The following DNAI7 variants were observed in gnomAD, a reference collection of about 807,000 sequenced individuals.
DNAI7 encodes the protein dynein axonemal intermediate chain 7.
In DNAI7, 78 loss-of-function variants were observed where a neutral mutation model predicts 86.6. That is an observed-to-expected ratio of 0.90 (90% confidence interval 0.75 to 1.09). The LOEUF is 1.09. Among genes scored for constraint, DNAI7 ranks in the 50% least tolerant of loss-of-function variants. The pLI, the probability that DNAI7 is intolerant of heterozygous loss-of-function variation, is 0.00. For missense variants in DNAI7, 753 were observed against 810.2 expected (o/e 0.93, Z 0.86); for synonymous variants, 274 against 273.0 (o/e 1.00, Z -0.04).
intron 1 of DNAI7, among the ~76,000 whole-genome samples, chr12:25,194,013 G>T (rs1322597114): frequency 1.3e-5 from 2 of 151,978 alleles, no homozygotes; most frequent in Non-Finnish European, 2.9e-5. Flanking sequence ...GTAGAGACTG[G>T]GTTTCACCAT....
Position 25,194,939 on chromosome 12 carries a change from C to T in DNAI7, c.3+137G>A, listed in dbSNP as rs200754269. On this transcript the variant is annotated intron_variant, in intron 1 of 15. Coordinates refer to ENST00000395987, the MANE Select transcript of DNAI7 (RefSeq NM_018272.5). ...CATTGCTGAGAAGAGGGCCGACCCA[C>T]CCCAAGGTATGAGTTATTTCCCAAA... 2.7e-5 allele frequency: 44 copies of T among 1,614,214 alleles called. No individual in the cohort carries two copies. The Admixed American group carries it at 7.0e-4, about 26-fold the overall frequency.
intron 9 of DNAI7, among the ~76,000 whole-genome samples, chr12:25,138,632 G>T (rs1354717818): frequency 6.6e-6 from 1 of 152,062 alleles, no homozygotes; most frequent in East Asian, 1.9e-4. Flanking sequence ...AATCAAGATG[G>T]AAATTTAAAA....
Position 25,121,911 on chromosome 12 carries a change from G to C in DNAI7, c.1081C>G (p.Gln361Glu), listed in dbSNP as rs188441287. ...GAAGAATTCTCTACCAGCAACAACTGTGCTAAAATTAATCAGATTAACAGT... is the reference window on the plus strand; with the variant it reads ...GAAGAATTCTCTACCAGCAACAACTCTGCTAAAATTAATCAGATTAACAGT... ...KVLSETVSAAQLLLVENSSEK... is the reference protein window; with the variant it reads ...KVLSETVSAAELLLVENSSEK... The change falls in exon 11 of 16, where the codon CAG becomes GAG. Residue 361 changes from glutamine to glutamate, a missense_variant and splice_region_variant. By Grantham distance (29) the Gln-to-Glu change is conservative. Transcript: ENST00000395987. 1 of 1,571,846 alleles carries C rather than the reference G, an allele frequency of 6.4e-7. No individual in the cohort carries two copies. The highest frequency in any genetic ancestry group is 1.4e-5 in the African/African-American group (1 of 72,250).
At chr12:25,133,221 G>T (rs1243041354) in intron 9 of DNAI7, among the ~76,000 whole-genome samples, 1 of 149,448 alleles carries the variant, frequency 6.7e-6, no homozygotes, top group Non-Finnish European at 1.5e-5. Context: ...TTAGTCAACT[G>T]CCCCAGCACC....
intron 9 of DNAI7, among the ~76,000 whole-genome samples, chr12:25,137,146 T>C (rs1329981921): frequency 6.6e-6 from 1 of 152,080 alleles, no homozygotes; most frequent in Non-Finnish European, 1.5e-5. Context: ...AAGGAAAAAG[T>C]CTTAAGAAAT....
intron 13 of DNAI7, among the ~76,000 whole-genome samples, chr12:25,113,474 G>A (rs1939413071): frequency 1.3e-5 from 2 of 151,940 alleles, no homozygotes; most frequent in Admixed American, 6.6e-5. Flanking sequence ...GCTAATTTTT[G>A]TATTATTAGT....
chr12:25,179,184 T>C (rs1349813494), intron 2 of DNAI7, among the ~76,000 whole-genome samples: 2 of 152,176 alleles, frequency 1.3e-5, no homozygotes, highest in Admixed American at 1.3e-4. Flanking sequence ...TGTACCTTCC[T>C]GTTTGCTACT....
At chr12:25,149,011 T>A (rs1192039938) in intron 7 of DNAI7, among the ~76,000 whole-genome samples, 9 of 152,230 alleles carry the variant, frequency 5.9e-5, no homozygotes, top group African/African-American at 2.2e-4. Flanking sequence ...ACTTTTATTT[T>A]TTTGAGACAG....
rs1280722190 is a variant in DNAI7, at chr12:25,194,329, TGTC to T, written c.3+744_3+746del. 6.6e-5 allele frequency among the ~76,000 whole-genome samples: 10 copies of T among 152,240 alleles called. No individual in the cohort carries two copies. The South Asian group carries it at 8.3e-4, about 13-fold the overall frequency. ...TTAATCTGTATCCTATAAGCAGAGT[TGTC>T]GTCATGTTCTTCTTGGTATTCTTGG... On this transcript the variant is annotated intron_variant, in intron 1 of 15. Transcript: ENST00000395987.
intron 9 of DNAI7, among the ~76,000 whole-genome samples, chr12:25,133,848 T>C (rs2140660054): frequency 6.6e-6 from 1 of 152,348 alleles, no homozygotes; most frequent in Middle Eastern, 3.4e-3. Flanking sequence ...TCCAGCCAGG[T>C]TCCTGTATCT....
intron 2 of DNAI7, chr12:25,185,810 T>C: frequency 2.1e-6 from 2 of 967,562 alleles, no homozygotes; most frequent in Non-Finnish European, 2.5e-6. Flanking sequence ...GAATTTAAAG[T>C]ACAGACTATA....
intron 11 of DNAI7, among the ~76,000 whole-genome samples, chr12:25,120,278 G>C (rs1216048823): frequency 6.8e-6 from 1 of 148,146 alleles, no homozygotes; most frequent in Non-Finnish European, 1.5e-5. Flanking sequence ...AGGTGTGTTA[G>C]GGGAGAGAGG....
intron 9 of DNAI7, among the ~76,000 whole-genome samples, chr12:25,142,925 C>G (rs1162583449): frequency 6.6e-6 from 1 of 152,120 alleles, no homozygotes. Flanking sequence ...TATAATCCTT[C>G]CATATTCCAG....
intron 2 of DNAI7, among the ~76,000 whole-genome samples, chr12:25,182,111 G>A (rs1185996964): frequency 6.6e-6 from 1 of 151,424 alleles, no homozygotes; most frequent in Admixed American, 6.6e-5. Flanking sequence ...ACTTTGGGAG[G>A]CCGAGGCGGG....
chr12:25,136,803 GAAGA>G (rs1191828439), intron 9 of DNAI7, among the ~76,000 whole-genome samples: 1 of 152,050 alleles, frequency 6.6e-6, no homozygotes, highest in Non-Finnish European at 1.5e-5. Context: ...TAAACAAATA[GAAGA>G]AAGAACTTCA....
intron 12 of DNAI7, among the ~76,000 whole-genome samples, chr12:25,117,247 A>T (rs1169005901): frequency 6.6e-6 from 1 of 152,206 alleles, no homozygotes; most frequent in Non-Finnish European, 1.5e-5. Flanking sequence ...TGTTTTTAAT[A>T]CATAGACTAT....
intron 2 of DNAI7, among the ~76,000 whole-genome samples, chr12:25,170,612 A>G (rs1244526038): frequency 1.3e-5 from 2 of 152,202 alleles, no homozygotes; most frequent in African/African-American, 4.8e-5. Context: ...TTTAAACTAT[A>G]CCTTGGAAGA....
Position 25,121,864 on chromosome 12 carries a change from T to C in DNAI7, c.1128A>G (p.Glu376=), listed in dbSNP as rs372604020. ...ACTGGCATAAATCCACCACATTGTC[T>C]TCAAAGAAATCTGGCTTTTCAGAAG... ...ENSSEKPDFF[E]DNVVDLCQFT... is the part of the protein sequence containing the mutation. Residue 376 remains glutamate (E), a synonymous_variant, in exon 11 of 16, where the codon GAA becomes GAG. Coordinates refer to ENST00000395987, the MANE Select transcript of DNAI7 (RefSeq NM_018272.5). The C allele has an allele frequency of 2.3e-5, 36 of 1,593,952 alleles. No homozygotes were observed. In the East Asian group the frequency reaches 2.7e-4, roughly 12 times the overall value.
Position 25,108,561 on chromosome 12 carries a change from A to C in DNAI7, c.2156T>G (p.Leu719Arg). 5 of 1,613,058 alleles carry C rather than the reference A, an allele frequency of 3.1e-6. No individual in the cohort carries two copies. The highest frequency in any genetic ancestry group is 4.2e-6 in the Non-Finnish European group (5 of 1,179,300). ...TGTAAGTGGAGGTTAGGAGTAGCTG[A>C]GCAATCTGGTAGAGAGCAGCATGTG... ...VCHMLLSTRL[L>R]SYS The change falls in exon 16 of 16, where the codon CTC becomes CGC. Residue 719 changes from leucine (L) to arginine (R), a missense_variant. Physicochemically the swap from Leu to Arg is moderately radical, Grantham distance 102. Coordinates refer to ENST00000395987, the MANE Select transcript of DNAI7 (RefSeq NM_018272.5).
Sources: gnomAD v4.1 joint callset for allele counts (sites outside exome capture counted in the v4.1 genomes callset) on GRCh38, gnomAD v4.1.1 for gene constraint, MANE v1.5 for transcripts, NCBI Gene and HGNC (gene_info 2026-07-23, HGNC 2026-07-21) for gene names.